The following MDFIC variants were observed in gnomAD, a reference collection of about 807,000 sequenced individuals.
MDFIC encodes the protein MyoD family inhibitor domain containing.
A neutral mutation model predicts 23.2 loss-of-function variants in MDFIC; 17 were observed. That is an observed-to-expected ratio of 0.73 (90% confidence interval 0.50 to 1.10). The LOEUF is 1.10. Among genes scored for constraint, MDFIC ranks in the 50% least tolerant of loss-of-function variants. The pLI, the probability that MDFIC is intolerant of heterozygous loss-of-function variation, is 0.00. For synonymous variants in MDFIC, 120 were observed against 115.2 expected, an observed-to-expected ratio of 1.04 and a Z score of -0.27; for missense variants, 356 against 316.6, an observed-to-expected ratio of 1.12 and a Z score of -0.95.
chr7:114,956,814 G>T (rs1328623885), intron 3 of MDFIC, among the ~76,000 whole-genome samples: 1 of 152,094 alleles, frequency 6.6e-6, no homozygotes, highest in East Asian at 1.9e-4. Context: ...ATATTGCCCT[G>T]AAACAAAGTT....
chr7:114,985,142 C>A (rs547102027), intron 4 of MDFIC, among the ~76,000 whole-genome samples: 1 of 152,276 alleles, frequency 6.6e-6, no homozygotes, highest in South Asian at 2.1e-4. Context: ...TGTCTTTGGG[C>A]AGGTTACTTA....
chr7:114,980,474 A>G (rs1235089254), intron 4 of MDFIC, among the ~76,000 whole-genome samples: 3 of 152,224 alleles, frequency 2.0e-5, no homozygotes, highest in African/African-American at 7.2e-5. Flanking sequence ...AAAGCAGGTT[A>G]AATACTATGA....
At chr7:114,976,657 A>G (rs983212166) in intron 3 of MDFIC, among the ~76,000 whole-genome samples, 1 of 150,484 alleles carries the variant, frequency 6.6e-6, no homozygotes, top group East Asian at 1.9e-4. Context: ...TAGTTTTTAT[A>G]AATCAGATAT....
intron 4 of MDFIC, among the ~76,000 whole-genome samples, chr7:115,000,392 T>C (rs763358480): frequency 6.6e-6 from 1 of 152,190 alleles, no homozygotes; most frequent in Non-Finnish European, 1.5e-5. Context: ...TGTCCCTGTA[T>C]TTAAACATAA....
intron 2 of MDFIC, among the ~76,000 whole-genome samples, chr7:114,936,677 C>T (rs1206359681): frequency 6.6e-6 from 1 of 152,144 alleles, no homozygotes; most frequent in Non-Finnish European, 1.5e-5. Context: ...GACGTTTCTA[C>T]ACTGGGTGGG....
rs768230527 is a variant in MDFIC, at chr7:114,979,852, A to G, written c.493+71A>G. 3.3e-6 allele frequency: 5 copies of G among 1,515,420 alleles called. No homozygotes were observed. The African/African-American group carries it at 6.9e-5, about 21-fold the overall frequency. 93.9% of individuals were successfully genotyped at this position (1,515,420 alleles called of 1,614,324 possible). On this transcript the variant is annotated intron_variant, in intron 4 of 4. Coordinates refer to ENST00000393486, the MANE Select transcript of MDFIC (RefSeq NM_001166345.3). ...AATATTTCCTGGTAATTATTTGATCAAGCATATATAATTGAAGAATCTTGC... is the reference window on the plus strand; with the variant it reads ...AATATTTCCTGGTAATTATTTGATCGAGCATATATAATTGAAGAATCTTGC...
chr7:114,999,027 C>T (rs1047908606), intron 4 of MDFIC, among the ~76,000 whole-genome samples: 3 of 152,038 alleles, frequency 2.0e-5, no homozygotes, highest in African/African-American at 7.2e-5. Context: ...CTCTGTCTGA[C>T]TGTCTCTGTT....
rs760658831 is a variant in MDFIC at position 114,922,511 on chromosome 7, C to T, written c.-233C>T. 4.0e-6 allele frequency: 5 copies of T among 1,256,608 alleles called. No homozygotes were observed. Among genetic ancestry groups the T allele is most frequent in the South Asian group, 3.7e-5 (1 of 26,994 alleles). 77.8% of individuals were successfully genotyped at this position (1,256,608 alleles called of 1,614,324 possible). On this transcript the variant is annotated 5_prime_UTR_variant, in exon 1 of 5. Coordinates refer to ENST00000393486, the MANE Select transcript of MDFIC (RefSeq NM_001166345.3). ...GAGGCGGGAGGACGCGCAGGGGCGG[C>T]CGCCGCCGTCGTCAGGCCACCGGGG...
chr7:114,962,529 A>G (rs552689157), intron 3 of MDFIC, among the ~76,000 whole-genome samples: 49 of 152,296 alleles, frequency 3.2e-4, no homozygotes, highest in African/African-American at 1.2e-3. Flanking sequence ...CTAACCGTCC[A>G]TGTTTCCAGT....
chr7:114,986,303 C>G (rs1354755813), intron 4 of MDFIC, among the ~76,000 whole-genome samples: 1 of 151,930 alleles, frequency 6.6e-6, no homozygotes, highest in Non-Finnish European at 1.5e-5. Context: ...GCATTTATAA[C>G]TGAGGAGTTT....
chr7:114,970,359 G>A (rs1789530282), intron 3 of MDFIC, among the ~76,000 whole-genome samples: 1 of 152,116 alleles, frequency 6.6e-6, no homozygotes, highest in Admixed American at 6.5e-5. Context: ...TAGCAATACA[G>A]TTTCTTTATT....
intron 3 of MDFIC, among the ~76,000 whole-genome samples, chr7:114,950,014 G>A (rs547978222): frequency 8.5e-5 from 13 of 152,288 alleles, no homozygotes; most frequent in Admixed American, 3.9e-4. Flanking sequence ...TAGATGAGGC[G>A]TGGTGAGAAA....
At chr7:114,948,582 C>T (rs1034463440) in intron 3 of MDFIC, among the ~76,000 whole-genome samples, 2 of 152,058 alleles carry the variant, frequency 1.3e-5, no homozygotes, top group African/African-American at 4.8e-5. Flanking sequence ...TCCTTCTCTC[C>T]CTCCCATTCT....
In MDFIC at chr7:115,007,360, A is replaced by G. The variant is rs959889516; in HGVS notation, c.494-8328A>G. 4.6e-5 allele frequency among the ~76,000 whole-genome samples: 7 copies of G among 152,224 alleles called. No individual in the cohort carries two copies. The East Asian group carries it at 7.7e-4, about 17-fold the overall frequency. On this transcript the variant is annotated intron_variant, in intron 4 of 4. Coordinates refer to ENST00000393486, the MANE Select transcript of MDFIC (RefSeq NM_001166345.3). ...CTCTTTTAATCTTCATCATAACCCT[A>G]TGAGGACAGTAATGTTATTACCAGC...
intron 3 of MDFIC, among the ~76,000 whole-genome samples, chr7:114,965,073 G>T (rs1793071019): frequency 6.6e-6 from 1 of 152,204 alleles, no homozygotes. Flanking sequence ...AAGGTTCCCA[G>T]CGGAACAATT....
At position 114,922,201 on chromosome 7, in the gene MDFIC, G is replaced by A; in HGVS notation, c.-543G>A. ...GACCCAGACAGCGCAGGGCGCGAGG[G>A]ATCGCGCGGCCGAGCCCGGGTCGCG... is the stretch of plus-strand genomic sequence containing the variant. On this transcript the variant is annotated 5_prime_UTR_variant, in exon 1 of 5. Transcript: ENST00000393486. 2.4e-6 allele frequency: 1 copy of A among 424,130 alleles called. No individual in the cohort carries two copies. Among genetic ancestry groups the A allele is most frequent in the Non-Finnish European group, 4.0e-6 (1 of 252,884 alleles). The allele number at this position is 424,130 out of a possible 1,614,324, so 26.3% of individuals were successfully genotyped here. A position where few individuals can be genotyped will look rare whatever the true frequency, so the allele number is the denominator to read the frequency against.
intron 2 of MDFIC, among the ~76,000 whole-genome samples, chr7:114,937,058 C>T (rs1475848468): frequency 2.6e-5 from 4 of 151,592 alleles, no homozygotes; most frequent in Admixed American, 1.3e-4. Flanking sequence ...TATTTTATTC[C>T]CCAACTGTTG....
At position 114,922,524 on chromosome 7, in the gene MDFIC, C is replaced by G; in HGVS notation, c.-220C>G. The stretch of plus-strand genomic sequence containing the variant: ...GCGCAGGGGCGGCCGCCGCCGTCGT[C>G]AGGCCACCGGGGCGAAAATGCGGCC... On this transcript the variant is annotated 5_prime_UTR_variant, in exon 1 of 5. Coordinates refer to ENST00000393486, the MANE Select transcript of MDFIC (RefSeq NM_001166345.3). 1 of 1,262,294 alleles carries G rather than the reference C, an allele frequency of 7.9e-7. No individual in the cohort carries two copies. 78.2% of individuals were successfully genotyped at this position (1,262,294 alleles called of 1,614,324 possible).
intron 4 of MDFIC, among the ~76,000 whole-genome samples, chr7:114,986,712 A>AT (rs1793521223): frequency 6.6e-6 from 1 of 151,794 alleles, no homozygotes; most frequent in Non-Finnish European, 1.5e-5. Context: ...ATCTCTACAC[A>AT]TTTTTTCAGA....
Sources: allele counts gnomAD v4.1 joint callset (sites outside exome capture counted in the v4.1 genomes callset), GRCh38; gene constraint gnomAD v4.1.1; transcripts MANE v1.5; gene names NCBI Gene and HGNC (gene_info 2026-07-23, HGNC 2026-07-21).